Variants in DEUP1 observed in about 807,000 individuals in gnomAD.
The protein encoded by DEUP1 is deuterosome assembly protein 1.
Under a neutral mutation model 87.4 loss-of-function variants are expected in DEUP1, and 82 were observed. That is an observed-to-expected ratio of 0.94 (90% CI 0.78 to 1.13). The LOEUF (loss-of-function observed/expected upper bound fraction) is 1.13, where lower values mean the gene tolerates loss of function less well. Among genes scored for constraint, DEUP1 ranks in the 50% most tolerant of loss-of-function variants. The pLI, the probability that DEUP1 is intolerant of heterozygous loss-of-function variation, is 0.00. For missense variants in DEUP1, 663 were observed against 681.5 expected, an observed-to-expected ratio of 0.97 and a Z score of 0.30; for synonymous variants, 214 against 222.7, an observed-to-expected ratio of 0.96 and a Z score of 0.35.
rs115093389 is a variant in DEUP1 at position 93,392,430 on chromosome 11, T to C, written c.1042-2029T>C. 6.4e-3 allele frequency among the ~76,000 whole-genome samples: 979 copies of C among 152,258 alleles called. 13 individuals carry two copies. The highest frequency in any genetic ancestry group is 0.021 in the African/African-American group (882 of 41,556). ...CAGTAGTCTGCAAAATAGAGAGACA[T>C]TGTGGGGATTAAATGAGATGATGCA... On this transcript the variant is annotated intron_variant, in intron 9 of 13. Coordinates refer to ENST00000298050, the MANE Select transcript of DEUP1 (RefSeq NM_181645.4).
At chr11:93,334,391 A>G (rs994840316) in intron 2 of DEUP1, among the ~76,000 whole-genome samples, 1 of 152,242 alleles carries the variant, frequency 6.6e-6, no homozygotes, top group African/African-American at 2.4e-5. Flanking sequence ...AGGCACCAGG[A>G]AGGTAGCAGT....
At chr11:93,385,256 A>T in intron 7 of DEUP1, 142 bp from the exon 8 acceptor site, 1 of 773,522 alleles carries the variant, frequency 1.3e-6, no homozygotes, top group Non-Finnish European at 2.1e-6. Flanking sequence ...AAGGAATGGA[A>T]TTCTATGAGA....
Position 93,355,423 on chromosome 11 carries a change from A to G in DEUP1, c.82A>G (p.Met28Val). 1.2e-6 allele frequency: 2 copies of G among 1,613,804 alleles called. No individual in the cohort carries two copies. The highest frequency in any genetic ancestry group is 2.2e-5 in the South Asian group (2 of 91,076). ...GGAATTAATGGAACAAATTGACATC[A>G]TGGTAAGCAACAAGAAAATGGATTG... Reference protein sequence around the residue: ...LQELMEQIDIMVSNKKMDWER... With the variant: ...LQELMEQIDIVVSNKKMDWER... Residue 28 changes from methionine (M) to valine (V), a missense_variant, in exon 3 of 14, where the codon ATG becomes GTG. Transcript: ENST00000298050.
At chr11:93,370,794 A>G (rs1416693533) in intron 6 of DEUP1, among the ~76,000 whole-genome samples, 1 of 152,092 alleles carries the variant, frequency 6.6e-6, no homozygotes, top group Non-Finnish European at 1.5e-5. Flanking sequence ...TGGCTTTACT[A>G]CCACTAACCT....
chr11:93,434,442 C>A (rs1250771027), intron 13 of DEUP1, among the ~76,000 whole-genome samples: 1 of 152,172 alleles, frequency 6.6e-6, no homozygotes, highest in Admixed American at 6.5e-5. Flanking sequence ...CCAAAAGATG[C>A]CTCAGAGGAT....
chr11:93,345,685 A>G (rs1163619562), intron 2 of DEUP1, among the ~76,000 whole-genome samples: 1 of 151,772 alleles, frequency 6.6e-6, no homozygotes. Context: ...TTCTTTGACC[A>G]TTTTCTAAAT....
chr11:93,387,398 A>G (rs1257901691), intron 8 of DEUP1, among the ~76,000 whole-genome samples: 1 of 151,906 alleles, frequency 6.6e-6, no homozygotes, highest in Admixed American at 6.5e-5. Flanking sequence ...GTTCTTATTC[A>G]TTTTCAGAAA....
intron 10 of DEUP1, among the ~76,000 whole-genome samples, 181 bp downstream of exon 10, chr11:93,394,837 C>T (rs78457002): frequency 0.011 from 1,731 of 152,148 alleles, 26 homozygotes; most frequent in African/African-American, 0.039. Flanking sequence ...GTGTCACCAA[C>T]AAAAAGGACT....
At chr11:93,389,822 A>T (rs1591207640) in intron 9 of DEUP1, among the ~76,000 whole-genome samples, 2 of 152,260 alleles carry the variant, frequency 1.3e-5, no homozygotes, top group East Asian at 3.9e-4. Context: ...TTAAAATAGG[A>T]TCTAGCTCAG....
At chr11:93,420,477 G>T (rs1436914796) in intron 13 of DEUP1, among the ~76,000 whole-genome samples, 2 of 151,696 alleles carry the variant, frequency 1.3e-5, no homozygotes, top group Non-Finnish European at 2.9e-5. Flanking sequence ...GCAAAAACTG[G>T]AAGCATTCCC....
Position 93,437,779 on chromosome 11 carries a change from C to T in DEUP1, c.*60C>T, listed in dbSNP as rs552034429. 213 of 806,644 alleles carry T rather than the reference C, an allele frequency of 2.6e-4. 2 individuals carry two copies. The South Asian group carries it at 2.8e-3, about 10-fold the overall frequency. The allele number at this position is 806,644 out of a possible 1,614,324, so 50.0% of individuals were successfully genotyped here. A position where few individuals can be genotyped will look rare whatever the true frequency, so the allele number is the denominator to read the frequency against. On this transcript the variant is annotated 3_prime_UTR_variant, in exon 14 of 14. Coordinates refer to ENST00000298050, the MANE Select transcript of DEUP1 (RefSeq NM_181645.4). ...CCCCCGCCAAGAAAAAAAGCTCTGGCAAAATATTTACAAAGCTGATTAATG... is the reference window on the plus strand; with the variant it reads ...CCCCCGCCAAGAAAAAAAGCTCTGGTAAAATATTTACAAAGCTGATTAATG...
chr11:93,357,536 A>C (rs1378961531), intron 4 of DEUP1: 1 of 152,706 alleles, frequency 6.5e-6, no homozygotes, highest in East Asian at 1.9e-4. Context: ...AGAAGGATAC[A>C]GATTTCTTTT....
chr11:93,388,883 A>G, intron 8 of DEUP1, 137 bp from the exon 9 acceptor site: 3 of 569,370 alleles, frequency 5.3e-6, no homozygotes, highest in Non-Finnish European at 9.3e-6. Flanking sequence ...AGAACTTGCA[A>G]TTTCTGTAAC....
intron 1 of DEUP1, among the ~76,000 whole-genome samples, chr11:93,331,995 C>G (rs1196806588): frequency 1.3e-5 from 2 of 152,084 alleles, no homozygotes; most frequent in Non-Finnish European, 2.9e-5. Flanking sequence ...GAGCTGAGAT[C>G]GTGCCTCTGC....
intron 13 of DEUP1, among the ~76,000 whole-genome samples, chr11:93,429,512 T>G (rs1232345078): frequency 1.3e-5 from 2 of 152,146 alleles, no homozygotes; most frequent in East Asian, 3.9e-4. Flanking sequence ...ACAATTAGTG[T>G]CCGCTCAAAT....
intron 13 of DEUP1, among the ~76,000 whole-genome samples, chr11:93,427,086 G>C (rs974043205): frequency 2.8e-4 from 38 of 136,664 alleles, no homozygotes; most frequent in Non-Finnish European, 4.8e-4. Context: ...TCCGCATCAA[G>C]CTACCAATGA....
At chr11:93,357,867 G>A (rs1205312176) in intron 4 of DEUP1, among the ~76,000 whole-genome samples, 1 of 152,122 alleles carries the variant, frequency 6.6e-6, no homozygotes, top group Admixed American at 6.6e-5. Flanking sequence ...CCATTTAACA[G>A]ATGATTTTAC....
At chr11:93,345,622 C>T (rs74937784) in intron 2 of DEUP1, among the ~76,000 whole-genome samples, 56 of 152,128 alleles carry the variant, frequency 3.7e-4, no homozygotes, top group South Asian at 3.3e-3. Flanking sequence ...AATGTTGAGC[C>T]TTTTTTCATA....
intron 11 of DEUP1, among the ~76,000 whole-genome samples, chr11:93,401,370 C>G (rs1947112303): frequency 6.6e-6 from 1 of 151,952 alleles, no homozygotes; most frequent in Non-Finnish European, 1.5e-5. Context: ...ATACTACTCA[C>G]AGCGATTTAC....
Sources: gnomAD v4.1 joint callset for allele counts (sites outside exome capture counted in the v4.1 genomes callset) on GRCh38, gnomAD v4.1.1 for gene constraint, MANE v1.5 for transcripts, NCBI Gene and HGNC (gene_info 2026-07-23, HGNC 2026-07-21) for gene names.